IGF2BP3: variants seen among roughly 807,000 people sequenced by gnomAD.
IGF2BP3 encodes the protein insulin-like growth factor 2 mRNA-binding protein 3.
In IGF2BP3, 9 loss-of-function variants were observed where a neutral mutation model predicts 73.8. The ratio of observed to expected loss-of-function variants is 0.12; its 90% CI spans 0.07 to 0.21. The LOEUF is 0.21. Ranked by LOEUF, IGF2BP3 falls within the 10% of genes least tolerant of loss-of-function variation. IGF2BP3 has a pLI of 1.00. For synonymous variants in IGF2BP3, 258 were observed against 256.7 expected (o/e 1.01, Z -0.05); for missense variants, 542 against 714.0 (o/e 0.76, Z 2.75).
At chr7:23,411,843 T>C (rs1787032995) in intron 3 of IGF2BP3, among the ~76,000 whole-genome samples, 1 of 152,120 alleles carries the variant, frequency 6.6e-6, no homozygotes, top group Non-Finnish European at 1.5e-5. Context: ...TCAGCACACG[T>C]TCATCCACGG....
chr7:23,385,461 T>G (rs1331382898), intron 3 of IGF2BP3, among the ~76,000 whole-genome samples: 1 of 152,138 alleles, frequency 6.6e-6, no homozygotes, highest in African/African-American at 2.4e-5. Context: ...ACATTAGAAT[T>G]TTTAAAATTT....
At chr7:23,418,675 T>C (rs1787260400) in intron 3 of IGF2BP3, 101 bp downstream of exon 3, 3 of 752,488 alleles carry the variant, frequency 4.0e-6, no homozygotes, top group South Asian at 3.6e-5. Context: ...TTTTATGTTC[T>C]AGCACACCCA....
chr7:23,365,538 A>C (rs1785347713), intron 3 of IGF2BP3: 1 of 152,182 alleles, frequency 6.6e-6, no homozygotes, highest in South Asian at 2.1e-4. Context: ...CATACAAATG[A>C]TACAGGTAAA....
intron 3 of IGF2BP3, among the ~76,000 whole-genome samples, chr7:23,389,892 T>C (rs1018052047): frequency 4.6e-5 from 7 of 151,240 alleles, no homozygotes; most frequent in African/African-American, 1.7e-4. Context: ...CCCAGCTACT[T>C]GGGAGACTGG....
rs745674577 is a variant in IGF2BP3, at chr7:23,470,071, C to G, written c.40G>C (p.Ala14Pro). 6 of 1,609,092 alleles carry G rather than the reference C, an allele frequency of 3.7e-6. No individual in the cohort carries two copies. The Admixed American group carries it at 6.7e-5, about 18-fold the overall frequency. The change falls in exon 1 of 15, where the codon GCC becomes CCC. Residue 14 changes from alanine to proline, a missense_variant. Physicochemically the swap from Ala to Pro is conservative, Grantham distance 27. Transcript: ENST00000258729. The stretch of plus-strand genomic sequence containing the variant: ...AAGATACTTTCTAGGTCCGAGGGGG[C>G]GGCGTTCTCGCTGAGGTTTCCGATA... ...LYIGNLSENA[A>P]PSDLESIFKD...
chr7:23,344,401 A>G (rs1317089635), intron 8 of IGF2BP3, among the ~76,000 whole-genome samples: 3 of 152,238 alleles, frequency 2.0e-5, no homozygotes, highest in Admixed American at 6.5e-5. Flanking sequence ...CAGTTTCTTT[A>G]GAATTTAGAT....
At chr7:23,372,295 A>C (rs927996569) in intron 3 of IGF2BP3, among the ~76,000 whole-genome samples, 2 of 152,038 alleles carry the variant, frequency 1.3e-5, no homozygotes, top group African/African-American at 4.8e-5. Context: ...GGCTGGCCTC[A>C]AACTCCTGAC....
chr7:23,345,872 G>C, intron 8 of IGF2BP3, 68 bp downstream of exon 8: 1 of 1,555,176 alleles, frequency 6.4e-7, no homozygotes, highest in Non-Finnish European at 8.7e-7. Context: ...GGGAAGCTAA[G>C]CCCAATACAC....
chr7:23,376,285 G>A (rs1283757933), intron 3 of IGF2BP3, among the ~76,000 whole-genome samples: 5 of 152,082 alleles, frequency 3.3e-5, no homozygotes, highest in African/African-American at 7.2e-5. Context: ...GGCCAGGCGC[G>A]GTGGCTCACG....
chr7:23,383,035 C>T (rs1785962235), intron 3 of IGF2BP3, among the ~76,000 whole-genome samples: 1 of 151,976 alleles, frequency 6.6e-6, no homozygotes, highest in South Asian at 2.1e-4. Context: ...CCATTGCACT[C>T]CAGCCTGGGT....
chr7:23,315,463 T>C (rs1295314843), intron 12 of IGF2BP3, among the ~76,000 whole-genome samples: 1 of 152,142 alleles, frequency 6.6e-6, no homozygotes, highest in Non-Finnish European at 1.5e-5. Flanking sequence ...CATGCAACTA[T>C]ATAAACAACC....
chr7:23,456,499 G>A (rs941051223), intron 2 of IGF2BP3, among the ~76,000 whole-genome samples: 3 of 152,212 alleles, frequency 2.0e-5, no homozygotes, highest in Non-Finnish European at 4.4e-5. Context: ...GAGAGCATGA[G>A]TCCTAGACAT....
intron 12 of IGF2BP3, 32 bp downstream of exon 12, chr7:23,317,607 T>G (rs931842583): frequency 3.9e-6 from 6 of 1,546,568 alleles, no homozygotes; most frequent in Admixed American, 3.3e-5. Flanking sequence ...ATTTGTTACC[T>G]GTGGACATAG....
chr7:23,419,982 T>C lies in IGF2BP3; in HGVS notation c.237-1158A>G, dbSNP rs183747294. Among the ~76,000 whole-genome samples the C allele has an allele frequency of 3.3e-5, 5 of 152,338 alleles. No homozygotes were observed. In the East Asian group the frequency reaches 9.6e-4, roughly 29 times the overall value. On this transcript the variant is annotated intron_variant, in intron 2 of 14. Transcript: ENST00000258729. Reference sequence around the variant, plus strand: ...GTCCAAATGCCTCCCTACACATGTATATATGTATGTATAAGGGAAGGAAGA... The same window carrying C: ...GTCCAAATGCCTCCCTACACATGTACATATGTATGTATAAGGGAAGGAAGA...
At chr7:23,428,405 G>A (rs951886196) in intron 2 of IGF2BP3, among the ~76,000 whole-genome samples, 2 of 152,014 alleles carry the variant, frequency 1.3e-5, no homozygotes, top group African/African-American at 2.4e-5. Context: ...TCGGGAGGCG[G>A]AGGTTGTAGT....
intron 3 of IGF2BP3, among the ~76,000 whole-genome samples, chr7:23,394,295 T>G (rs535372245): frequency 6.6e-6 from 1 of 152,134 alleles, no homozygotes; most frequent in Non-Finnish European, 1.5e-5. Context: ...GGCGAAACCC[T>G]GTCTCTATAA....
chr7:23,468,487 C>T lies in IGF2BP3; in HGVS notation c.231G>A (p.Arg77=). 1 of 1,614,196 alleles carries T rather than the reference C, an allele frequency of 6.2e-7. No homozygotes were observed. Among genetic ancestry groups the T allele is most frequent in the Non-Finnish European group, 8.5e-7 (1 of 1,180,022 alleles). The stretch of plus-strand genomic sequence containing the variant: ...AAACAGAAGCAGCAGCTCACCTTTG[C>T]CTTTTTGGGACCGAGTGCTCAACTT... ...PIEVEHSVPK[R]QRIRKLQIRN... Residue 77 remains arginine (R), a synonymous_variant, in exon 2 of 15, where the codon AGG becomes AGA. Coordinates refer to ENST00000258729, the MANE Select transcript of IGF2BP3 (RefSeq NM_006547.3).
intron 2 of IGF2BP3, among the ~76,000 whole-genome samples, chr7:23,453,882 A>C (rs1053100118): frequency 6.6e-6 from 1 of 151,878 alleles, no homozygotes; most frequent in Non-Finnish European, 1.5e-5. Flanking sequence ...ATAGGATCTC[A>C]CTCTATCGCC....
intron 2 of IGF2BP3, among the ~76,000 whole-genome samples, chr7:23,423,371 G>A (rs894598773): frequency 3.9e-5 from 6 of 152,168 alleles, no homozygotes; most frequent in African/African-American, 1.4e-4. Flanking sequence ...TTGAGAATGA[G>A]TTTATATTTG....
Sources: gnomAD v4.1 joint callset for allele counts (sites outside exome capture counted in the v4.1 genomes callset) on GRCh38, gnomAD v4.1.1 for gene constraint, MANE v1.5 for transcripts, NCBI Gene and HGNC (gene_info 2026-07-23, HGNC 2026-07-21) for gene names.